The following RCCD1 variants were observed in gnomAD, a reference collection of about 807,000 sequenced individuals.
RCCD1 encodes RCC1 domain containing 1, also known as RCC1 domain-containing protein 1.
In RCCD1, 40 loss-of-function variants were observed where a neutral mutation model predicts 37.6. The ratio of observed to expected loss-of-function variants is 1.06; its 90% CI spans 0.83 to 1.39. The LOEUF (loss-of-function observed/expected upper bound fraction) is 1.39. RCCD1 is among the 40% of genes most tolerant of loss of function. The pLI is 0.00. For synonymous variants in RCCD1, 263 were observed against 230.0 expected (o/e 1.14, Z -1.30); for missense variants, 577 against 517.3 (o/e 1.12, Z -1.12).
chr15:90,961,597 A>G lies in RCCD1; in HGVS notation c.980-21A>G, dbSNP rs751735548. ...GCAAGACCCAGTGGAGACGATGGCA[A>G]AGGGGCTGATTTCACTTTAGGTAAA... On this transcript the variant is annotated intron_variant, in intron 7 of 7. Coordinates refer to ENST00000394258, the MANE Select transcript of RCCD1 (RefSeq NM_001017919.2). 7 of 1,605,456 alleles carry G rather than the reference A, an allele frequency of 4.4e-6. No homozygotes were observed. The Admixed American group carries it at 1.2e-4, about 27-fold the overall frequency.
intron 1 of RCCD1, among the ~76,000 whole-genome samples, chr15:90,956,329 A>G (rs2037192534): frequency 6.6e-6 from 1 of 152,058 alleles, no homozygotes; most frequent in Admixed American, 6.6e-5. Context: ...TTGGTTCCCA[A>G]GATTACATGG....
chr15:90,957,064 C>A (rs569783980), intron 2 of RCCD1, 49 bp from the exon 3 acceptor site: 5 of 1,309,080 alleles, frequency 3.8e-6, no homozygotes, highest in Admixed American at 8.1e-5. Flanking sequence ...CCGCTCCCCC[C>A]ATCCCCGCCG....
At position 90,957,645 on chromosome 15, in the gene RCCD1, A is replaced by T; in HGVS notation, c.599A>T (p.Glu200Val). The change falls in exon 4 of 8, where the codon GAG becomes GTG. Residue 200 changes from glutamate (E) to valine (V), a missense_variant. By Grantham distance (121) the Glu-to-Val change is moderately radical. Transcript: ENST00000394258. ...CATGGGACCCTGGAGGCAGAGCTGGAGCCACGGCTGTTGGAGGCGTTGCAG... is the reference window on the plus strand; with the variant it reads ...CATGGGACCCTGGAGGCAGAGCTGGTGCCACGGCTGTTGGAGGCGTTGCAG... ...LGHGTLEAEL[E>V]PRLLEALQGL... 1 of 1,614,116 alleles carries T rather than the reference A, an allele frequency of 6.2e-7. No homozygotes were observed. Among genetic ancestry groups the T allele is most frequent in the Non-Finnish European group, 8.5e-7 (1 of 1,180,012 alleles).
chr15:90,957,625 G>C lies in RCCD1; in HGVS notation c.579G>C (p.Gly193=), dbSNP rs1476961491. 2.5e-6 allele frequency: 4 copies of C among 1,614,180 alleles called. No individual in the cohort carries two copies. Among genetic ancestry groups the C allele is most frequent in the Non-Finnish European group, 3.4e-6 (4 of 1,180,034 alleles). ...TCAGGCATGGACAGCTGGGCCATGG[G>C]ACCCTGGAGGCAGAGCTGGAGCCAC... ...GGGRHGQLGH[G]TLEAELEPRL... The change falls in exon 4 of 8, where the codon GGG becomes GGC. Residue 193 remains glycine, a synonymous_variant. Transcript: ENST00000394258.
chr15:90,958,087 G>A (rs1477446850), intron 4 of RCCD1, among the ~76,000 whole-genome samples: 2 of 152,200 alleles, frequency 1.3e-5, no homozygotes, highest in Non-Finnish European at 2.9e-5. Flanking sequence ...TGCCTAGGGG[G>A]CCATGATGTG....
In RCCD1 at chr15:90,957,438, G is replaced by A. The variant is rs757452745; in HGVS notation, c.492G>A (p.Glu164=). The A allele has an allele frequency of 1.2e-5, 18 of 1,538,828 alleles. No homozygotes were observed. The highest frequency in any genetic ancestry group is 2.4e-5 in the East Asian group (1 of 40,886). ...LAPELRARQL[E]LGAEHALLLD... ...CGGAGCTGCGGGCACGCCAGCTGGAGCTGGGCGCCGAGCACGCGTTGCTGC... is the reference window on the plus strand; with the variant it reads ...CGGAGCTGCGGGCACGCCAGCTGGAACTGGGCGCCGAGCACGCGTTGCTGC... The change falls in exon 3 of 8, where the codon GAG becomes GAA. Residue 164 remains glutamate (E), a synonymous_variant. Coordinates refer to ENST00000394258, the MANE Select transcript of RCCD1 (RefSeq NM_001017919.2).
In RCCD1 at chr15:90,958,936, T is replaced by TA. The variant is rs3036308; in HGVS notation, c.680-948dup. Among the ~76,000 whole-genome samples the TA allele has an allele frequency of 2.1e-3, 227 of 107,560 alleles. 1 individual carries two copies. The highest frequency in any genetic ancestry group is 5.0e-3 in the Middle Eastern group (1 of 200). The allele number at this position is 107,560 out of a possible 152,430, so 70.6% of individuals were successfully genotyped here. A position where few individuals can be genotyped will look rare whatever the true frequency, so the allele number is the denominator to read the frequency against. On this transcript the variant is annotated intron_variant, in intron 4 of 7. Transcript: ENST00000394258. ...GTGACAGAGTGAGACTCTGTCTGTC[T>TA]AAAAAAAAAAAAAAAACAAAAAAAA... is the stretch of plus-strand genomic sequence containing the variant.
Position 90,960,478 on chromosome 15 carries a change from G to C in RCCD1, c.929G>C (p.Arg310Pro), listed in dbSNP as rs1160828563. 1.5e-5 allele frequency: 24 copies of C among 1,610,546 alleles called. No homozygotes were observed. Among genetic ancestry groups the C allele is most frequent in the Non-Finnish European group, 2.0e-5 (24 of 1,179,796 alleles). ...GCAGTCAAGGCCAGCTGTGGATCCC[G>C]GCACACAGCTGTGGTGACACGTGAG... ...SDAVKASCGS[R>P]HTAVVTRTGE... The change falls in exon 6 of 8, where the codon CGG becomes CCG. Residue 310 changes from arginine to proline, a missense_variant. Coordinates refer to ENST00000394258, the MANE Select transcript of RCCD1 (RefSeq NM_001017919.2).
rs764606966 is a variant in RCCD1, at chr15:90,957,152, C to T, written c.206C>T (p.Ala69Val). ...GAGCTGTCGGGCTCAGCCAGCGGCG[C>T]GGCGGGCCGCTGCAAGGACGCGTGG... ...RLELSGSASGAAGRCKDAWAS... is the reference protein window; with the variant it reads ...RLELSGSASGVAGRCKDAWAS... Residue 69 changes from alanine (A) to valine (V), a missense_variant, in exon 3 of 8, where the codon GCG (alanine) becomes GTG (valine). Ala to Val is a moderately conservative substitution (Grantham distance 64). Transcript: ENST00000394258. The T allele has an allele frequency of 4.4e-6, 6 of 1,363,066 alleles. 1 individual carries two copies. The South Asian group carries it at 8.8e-5, about 20-fold the overall frequency. The allele number at this position is 1,363,066 out of a possible 1,614,324, so 84.4% of individuals were successfully genotyped here.
chr15:90,959,286 G>C (rs773104467), intron 4 of RCCD1, among the ~76,000 whole-genome samples: 3 of 104,930 alleles, frequency 2.9e-5, no homozygotes, highest in Non-Finnish European at 4.9e-5. Flanking sequence ...CATGGATTAA[G>C]CACTTCATAA....
chr15:90,956,816 C>A lies in RCCD1; in HGVS notation c.82C>A (p.Gln28Lys), dbSNP rs2037204803. 2 of 1,307,066 alleles carry A rather than the reference C, an allele frequency of 1.5e-6. No homozygotes were observed. The highest frequency in any genetic ancestry group is 3.3e-5 in the Admixed American group (1 of 30,654). The allele number at this position is 1,307,066 out of a possible 1,614,324, so 81.0% of individuals were successfully genotyped here. A position where few individuals can be genotyped will look rare whatever the true frequency, so the allele number is the denominator to read the frequency against. Residue 28 changes from glutamine to lysine, a missense_variant, in exon 2 of 8, where the codon CAG becomes AAG. Gln to Lys is a moderately conservative substitution (Grantham distance 53). Transcript: ENST00000394258. Reference sequence around the variant, plus strand: ...GGAGCTGGGCTCCGGACGCGGGCGCCAGGTGCACAGCCCCAGTCCGCTGCG... The same window carrying A: ...GGAGCTGGGCTCCGGACGCGGGCGCAAGGTGCACAGCCCCAGTCCGCTGCG... ...GQELGSGRGR[Q>K]VHSPSPLRAG...
intron 4 of RCCD1, among the ~76,000 whole-genome samples, chr15:90,958,191 T>C (rs752249852): frequency 9.9e-5 from 15 of 152,174 alleles, no homozygotes; most frequent in Non-Finnish European, 2.1e-4. Flanking sequence ...AGTGAGGAGT[T>C]TCACTTGGTG....
intron 4 of RCCD1, 57 bp from the exon 5 acceptor site, chr15:90,959,841 GTT>G: frequency 1.5e-6 from 2 of 1,352,060 alleles, no homozygotes; most frequent in Non-Finnish European, 2.1e-6. Flanking sequence ...GGGGAGGAGA[GTT>G]TGGATGGATG....
chr15:90,960,714 C>G, intron 6 of RCCD1: 1 of 611,966 alleles, frequency 1.6e-6, no homozygotes, highest in Non-Finnish European at 2.9e-6. Flanking sequence ...CTGATGCTTT[C>G]TGTCCTCCCT....
At chr15:90,955,323 C>G (rs1461183586) in intron 1 of RCCD1, 2 of 152,230 alleles carry the variant, frequency 1.3e-5, no homozygotes, top group East Asian at 3.9e-4. Context: ...CTTTTCTCCC[C>G]GTGGCTGTCG....
rs758952424 is a variant in RCCD1, at chr15:90,957,704, T to G, written c.658T>G (p.Trp220Gly). 5 of 1,611,648 alleles carry G rather than the reference T, an allele frequency of 3.1e-6. No homozygotes were observed. The African/African-American group carries it at 6.7e-5, about 22-fold the overall frequency. ...LVMAEVAAGGWHSVCVSETGD... is the reference protein window; with the variant it reads ...LVMAEVAAGGGHSVCVSETGD... ...CATGGCTGAGGTGGCCGCGGGGGGC[T>G]GGCATTCTGTGTGTGTGAGTGGTGA... is the stretch of plus-strand genomic sequence containing the variant. Residue 220 changes from tryptophan (W) to glycine (G), a missense_variant, in exon 4 of 8, where the codon TGG becomes GGG. Transcript: ENST00000394258.
rs1427750143 is a variant in RCCD1, at chr15:90,960,400, T to C, written c.851T>C (p.Phe284Ser). Residue 284 changes from phenylalanine to serine, a missense_variant, in exon 6 of 8, where the codon TTC (phenylalanine) becomes TCC (serine). Physicochemically the swap from Phe to Ser is radical, Grantham distance 155 (BLOSUM62 -2). Transcript: ENST00000394258. ...GGAEDGAPAPFIAVQPFPALL... is the reference protein window; with the variant it reads ...GGAEDGAPAPSIAVQPFPALL... ...GCTGAGGATGGAGCCCCTGCCCCCT[T>C]CATAGCTGTCCAGCCCTTCCCGGCA... 1 of 1,613,852 alleles carries C rather than the reference T, an allele frequency of 6.2e-7. No homozygotes were observed. The highest frequency in any genetic ancestry group is 2.2e-5 in the East Asian group (1 of 44,882).
rs1456402226 is a variant in RCCD1, at chr15:90,961,709, G to T, written c.1071G>T (p.Lys357Asn). 1.2e-6 allele frequency: 2 copies of T among 1,614,202 alleles called. No homozygotes were observed. The highest frequency in any genetic ancestry group is 2.2e-5 in the South Asian group (2 of 91,084). The change falls in exon 8 of 8, where the codon AAG (lysine) becomes AAT (asparagine). Residue 357 changes from lysine (K) to asparagine (N), a missense_variant. By Grantham distance (94) the Lys-to-Asn change is moderately conservative. Coordinates refer to ENST00000394258, the MANE Select transcript of RCCD1 (RefSeq NM_001017919.2). The part of the protein sequence containing the change: ...EYFVDKQLQV[K>N]AVTCGPWNTY... ...TTGTAGATAAGCAACTCCAAGTAAAGGCTGTCACCTGTGGGCCGTGGAACA... is the reference window on the plus strand; with the variant it reads ...TTGTAGATAAGCAACTCCAAGTAAATGCTGTCACCTGTGGGCCGTGGAACA...
chr15:90,956,311 C>G (rs898358252), intron 1 of RCCD1, among the ~76,000 whole-genome samples: 1 of 152,158 alleles, frequency 6.6e-6, no homozygotes, highest in African/African-American at 2.4e-5. Flanking sequence ...CTCTGTAAAA[C>G]GACCATTTTG....
Sources: allele counts gnomAD v4.1 joint callset (sites outside exome capture counted in the v4.1 genomes callset), GRCh38; gene constraint gnomAD v4.1.1; transcripts MANE v1.5; gene names NCBI Gene and HGNC (gene_info 2026-07-23, HGNC 2026-07-21).